The following ADAMTSL1 variants were observed in gnomAD, a reference collection of about 807,000 sequenced individuals.
ADAMTSL1 encodes ADAMTS-like protein 1.
Under a neutral mutation model 201.8 loss-of-function variants are expected in ADAMTSL1, and 126 were observed. That is an observed-to-expected ratio of 0.62 (90% CI 0.54 to 0.72). The LOEUF (loss-of-function observed/expected upper bound fraction) is 0.72, where lower values mean the gene tolerates loss of function less well. Among genes scored for constraint, ADAMTSL1 ranks in the 30% least tolerant of loss-of-function variants. ADAMTSL1 has a pLI of 0.00. For synonymous variants in ADAMTSL1, 1,121 were observed against 903.4 expected, an observed-to-expected ratio of 1.24 and a Z score of -4.32; for missense variants, 2,679 against 2,277.8, an observed-to-expected ratio of 1.18 and a Z score of -3.59.
chr9:18,513,808 T>G (rs548847719), intron 2 of ADAMTSL1, among the ~76,000 whole-genome samples: 1 of 152,346 alleles, frequency 6.6e-6, no homozygotes, highest in East Asian at 1.9e-4. Context: ...TTCTAGGTGT[T>G]CTATTGGTGT....
At chr9:17,966,478 G>A (rs924413846) in intron 1 of ADAMTSL1, among the ~76,000 whole-genome samples, 2 of 152,088 alleles carry the variant, frequency 1.3e-5, no homozygotes, top group Middle Eastern at 3.2e-3. Context: ...TCTGCAATAA[G>A]TACCACCATT....
At chr9:18,061,740 C>T (rs762357297) in intron 1 of ADAMTSL1, among the ~76,000 whole-genome samples, 2 of 152,234 alleles carry the variant, frequency 1.3e-5, no homozygotes, top group African/African-American at 4.8e-5. Flanking sequence ...AGTTCCACTT[C>T]TCTGTCTCTT....
At chr9:18,247,744 C>A (rs1190012779) in intron 2 of ADAMTSL1, among the ~76,000 whole-genome samples, 1 of 151,798 alleles carries the variant, frequency 6.6e-6, no homozygotes, top group African/African-American at 2.4e-5. Context: ...GCCTGTGTGG[C>A]TAGACAGAGG....
chr9:18,567,581 A>T (rs1271796554), intron 3 of ADAMTSL1, among the ~76,000 whole-genome samples: 3 of 152,184 alleles, frequency 2.0e-5, no homozygotes, highest in Non-Finnish European at 4.4e-5. Context: ...TTTGGACATG[A>T]TGAGTTTCCA....
intron 2 of ADAMTSL1, among the ~76,000 whole-genome samples, chr9:18,367,375 A>G (rs1279491266): frequency 4.0e-5 from 6 of 148,586 alleles, no homozygotes; most frequent in African/African-American, 1.2e-4. Context: ...AGAAGATAAG[A>G]TTTTTTTTTT....
intron 2 of ADAMTSL1, among the ~76,000 whole-genome samples, chr9:18,348,414 T>C (rs1835819143): frequency 6.6e-6 from 1 of 152,184 alleles, no homozygotes; most frequent in Non-Finnish European, 1.5e-5. Flanking sequence ...GAATTTTGGA[T>C]TTTGGACAAG....
intron 20 of ADAMTSL1, among the ~76,000 whole-genome samples, chr9:18,798,033 A>G (rs114300554): frequency 0.01 from 1,589 of 151,956 alleles, 28 homozygotes; most frequent in African/African-American, 0.032. Flanking sequence ...CAGCACTACT[A>G]TGTTTTTATG....
intron 3 of ADAMTSL1, among the ~76,000 whole-genome samples, chr9:18,550,838 A>T (rs1194187286): frequency 6.6e-6 from 1 of 152,022 alleles, no homozygotes; most frequent in African/African-American, 2.4e-5. Flanking sequence ...TTAAAAAAAC[A>T]TATTTGTGTA....
intron 4 of ADAMTSL1, among the ~76,000 whole-genome samples, chr9:18,598,338 A>T (rs1936254610): frequency 6.6e-6 from 1 of 152,126 alleles, no homozygotes; most frequent in Admixed American, 6.5e-5. Flanking sequence ...AAACACTCAA[A>T]CCTGGGTCTT....
chr9:17,964,277 C>T (rs765727950), intron 1 of ADAMTSL1, among the ~76,000 whole-genome samples: 5 of 152,208 alleles, frequency 3.3e-5, no homozygotes, highest in South Asian at 4.1e-4. Context: ...ATTCCTGTGT[C>T]GTCCTTTCCT....
At chr9:18,490,103 A>G (rs1016533152) in intron 1 of ADAMTSL1, among the ~76,000 whole-genome samples, 3 of 152,144 alleles carry the variant, frequency 2.0e-5, no homozygotes, top group Non-Finnish European at 4.4e-5. Context: ...CCAAACCATC[A>G]TTCCTATCTT....
chr9:18,179,222 G>A (rs1828332161), intron 2 of ADAMTSL1, among the ~76,000 whole-genome samples: 1 of 152,160 alleles, frequency 6.6e-6, no homozygotes, highest in Non-Finnish European at 1.5e-5. Context: ...AGAACTACGT[G>A]AAGAATGCAG....
At chr9:18,494,601 C>A (rs1344021223) in intron 1 of ADAMTSL1, among the ~76,000 whole-genome samples, 1 of 152,022 alleles carries the variant, frequency 6.6e-6, no homozygotes, top group African/African-American at 2.4e-5. Flanking sequence ...GTGTAGAGGC[C>A]ATGTATGATT....
intron 3 of ADAMTSL1, among the ~76,000 whole-genome samples, chr9:18,568,726 A>AT (rs57985853): frequency 0.016 from 2,242 of 143,776 alleles, 52 homozygotes; most frequent in African/African-American, 0.05. Flanking sequence ...AGAAGCATGG[A>AT]TTTTTTTTTT....
At chr9:17,969,833 G>A (rs1285040968) in intron 1 of ADAMTSL1, among the ~76,000 whole-genome samples, 1 of 151,896 alleles carries the variant, frequency 6.6e-6, no homozygotes, top group African/African-American at 2.4e-5. Context: ...ATTTTATAAA[G>A]GTAACAGTTA....
Position 18,681,883 on chromosome 9 carries a change from A to T in ADAMTSL1, c.1413A>T (p.Thr471=), listed in dbSNP as rs1169865695. The T allele has an allele frequency of 2.2e-5, 35 of 1,614,046 alleles. No individual in the cohort carries two copies. The highest frequency in any genetic ancestry group is 2.7e-5 in the Non-Finnish European group (32 of 1,180,010). ...VLCIDHRGMH[T]GGCSPKTKPH... ...GCATCGACCATCGAGGAATGCACAC[A>T]GGAGGCTGTAGCCCAAAAACAAAGC... The change falls in exon 12 of 29, where the codon ACA becomes ACT. Residue 471 remains threonine, a synonymous_variant. Transcript: ENST00000380548.
At chr9:18,085,580 C>CAG (rs1563990910) in intron 1 of ADAMTSL1, among the ~76,000 whole-genome samples, 89 of 144,368 alleles carry the variant, frequency 6.2e-4, no homozygotes, top group African/African-American at 1.8e-3. Context: ...TATATACACA[C>CAG]TGTGTGTGTG....
At position 18,621,191 on chromosome 9, in the gene ADAMTSL1, A is replaced by G. The variant is rs1023995994; in HGVS notation, c.475-1052A>G. On this transcript the variant is annotated intron_variant, in intron 4 of 28. Coordinates refer to ENST00000380548, the MANE Select transcript of ADAMTSL1 (RefSeq NM_001040272.6). ...ATCTTTCCATATTTGATCTAACTAG[A>G]ACTGTAAGCCATACAACCTGGCATA... Among the ~76,000 whole-genome samples the G allele has an allele frequency of 5.9e-5, 9 of 152,304 alleles. No homozygotes were observed. In the East Asian group the frequency reaches 1.7e-3, roughly 29 times the overall value.
At chr9:18,881,759 A>G (rs1174273025) in intron 23 of ADAMTSL1, among the ~76,000 whole-genome samples, 1 of 152,212 alleles carries the variant, frequency 6.6e-6, no homozygotes, top group East Asian at 1.9e-4. Context: ...GCAAAGTACA[A>G]TAAAGTGAGG....
Sources: allele counts gnomAD v4.1 joint callset (sites outside exome capture counted in the v4.1 genomes callset), GRCh38; gene constraint gnomAD v4.1.1; transcripts MANE v1.5; gene names NCBI Gene and HGNC (gene_info 2026-07-23, HGNC 2026-07-21).